Variants in RCOR1 observed in about 807,000 individuals in gnomAD.
RCOR1 encodes REST corepressor 1, also known as REST corepressor.
Under a neutral mutation model 64.0 loss-of-function variants are expected in RCOR1, and 12 were observed. The observed-to-expected ratio is 0.19, with a 90% confidence interval of 0.12 to 0.30. The LOEUF is 0.30. Among genes scored for constraint, RCOR1 ranks in the 10% least tolerant of loss-of-function variants. RCOR1 has a pLI of 1.00. For synonymous variants in RCOR1, 279 were observed against 227.2 expected (o/e 1.23, Z -2.05); for missense variants, 502 against 621.2 (o/e 0.81, Z 2.04).
intron 2 of RCOR1, among the ~76,000 whole-genome samples, chr14:102,677,209 C>T (rs1895193925): frequency 7.4e-6 from 1 of 134,338 alleles, no homozygotes; most frequent in Non-Finnish European, 1.6e-5. Flanking sequence ...GGGCAGGGGG[C>T]TGACCCCCCC....
At chr14:102,721,223 A>C (rs1896162852) in intron 9 of RCOR1, 97 bp from the exon 10 acceptor site, 2 of 1,235,372 alleles carry the variant, frequency 1.6e-6, no homozygotes, top group South Asian at 1.3e-5. Context: ...AGTTGATGTT[A>C]AAATTCCGAT....
chr14:102,665,912 T>A (rs985110846), intron 2 of RCOR1, among the ~76,000 whole-genome samples: 1 of 152,238 alleles, frequency 6.6e-6, no homozygotes, highest in Admixed American at 6.5e-5. Context: ...TAATAGTAGT[T>A]ACTGCTGGTA....
At chr14:102,644,671 C>A (rs1480812387) in intron 2 of RCOR1, among the ~76,000 whole-genome samples, 2 of 152,180 alleles carry the variant, frequency 1.3e-5, no homozygotes, top group African/African-American at 2.4e-5. Flanking sequence ...CATGTGACGT[C>A]AAGAGAAGGA....
chr14:102,692,735 TC>T, intron 3 of RCOR1, among the ~76,000 whole-genome samples: 1 of 144,406 alleles, frequency 6.9e-6, no homozygotes, highest in African/African-American at 2.6e-5. Context: ...CTTCCTTCCT[TC>T]CTTCCTTCCT....
chr14:102,639,264 C>CTT (rs11306200), intron 2 of RCOR1, among the ~76,000 whole-genome samples: 7 of 125,546 alleles, frequency 5.6e-5, no homozygotes, highest in East Asian at 4.4e-4. Flanking sequence ...TTCTTTCTTT[C>CTT]TTTTTTTTTT....
At chr14:102,707,936 C>T (rs1376166315) in intron 5 of RCOR1, among the ~76,000 whole-genome samples, 4 of 150,580 alleles carry the variant, frequency 2.7e-5, no homozygotes, top group African/African-American at 9.8e-5. Context: ...ACTACAGGTG[C>T]GTGCCACCAC....
chr14:102,710,822 T>C (rs1895941969), intron 6 of RCOR1, 113 bp from the exon 7 acceptor site: 4 of 707,310 alleles, frequency 5.7e-6, no homozygotes, highest in South Asian at 5.3e-5. Context: ...TAAATCAGTT[T>C]ATTATTTATA....
intron 2 of RCOR1, among the ~76,000 whole-genome samples, chr14:102,605,126 G>T (rs1203048715): frequency 6.6e-6 from 1 of 151,314 alleles, no homozygotes; most frequent in African/African-American, 2.4e-5. Context: ...GACTTTATTG[G>T]ATCCATTGAT....
intron 8 of RCOR1, among the ~76,000 whole-genome samples, chr14:102,716,729 C>G (rs575215783): frequency 6.6e-6 from 1 of 151,980 alleles, no homozygotes; most frequent in Admixed American, 6.5e-5. Flanking sequence ...CCAATACATA[C>G]TGTCCTAACT....
At chr14:102,721,798 A>G (rs142092860) in intron 10 of RCOR1, among the ~76,000 whole-genome samples, 102 of 152,262 alleles carry the variant, frequency 6.7e-4, no homozygotes, top group African/African-American at 2.4e-3. Context: ...TCATTTTACT[A>G]GTTACTCATC....
chr14:102,727,142 C>T lies in RCOR1; in HGVS notation c.*636C>T, dbSNP rs986140593. ...GTTGGCTTAAATCTCCCTCTTCTCC[C>T]TTCCCAAGTGTTACAAAGATCATTT... On this transcript the variant is annotated 3_prime_UTR_variant, in exon 12 of 12. Transcript: ENST00000262241. 6.6e-6 allele frequency: 1 copy of T among 152,220 alleles called. No homozygotes were observed. Among genetic ancestry groups the T allele is most frequent in the Non-Finnish European group, 1.5e-5 (1 of 68,062 alleles). The allele number at this position is 152,220 out of a possible 1,614,324, so 9.4% of individuals were successfully genotyped here.
At chr14:102,670,031 A>G (rs1006321660) in intron 2 of RCOR1, among the ~76,000 whole-genome samples, 4 of 152,066 alleles carry the variant, frequency 2.6e-5, no homozygotes, top group Admixed American at 1.3e-4. Context: ...GCTCACTGCA[A>G]CCTCTGCCTC....
At chr14:102,719,624 C>A (rs896988530) in intron 8 of RCOR1, among the ~76,000 whole-genome samples, 2 of 152,074 alleles carry the variant, frequency 1.3e-5, no homozygotes, top group Non-Finnish European at 2.9e-5. Flanking sequence ...ATATATGCAG[C>A]CTAGATATTT....
At chr14:102,594,382 C>T (rs555139291) in intron 2 of RCOR1, among the ~76,000 whole-genome samples, 2 of 152,174 alleles carry the variant, frequency 1.3e-5, no homozygotes, top group African/African-American at 2.4e-5. Context: ...CATGTTTTTT[C>T]CTTGGAAACA....
In RCOR1 at chr14:102,628,650, G is replaced by T. The variant is rs942821679; in HGVS notation, c.361+35325G>T. Among the ~76,000 whole-genome samples, 9 of 152,130 alleles carry T rather than the reference G, an allele frequency of 5.9e-5. No individual in the cohort carries two copies. The East Asian group carries it at 1.2e-3, about 20-fold the overall frequency. ...CTGAACTTCTCAATGAAAATCCTGG[G>T]TTCAAACAATTCTTGTGCTTCAGCC... On this transcript the variant is annotated intron_variant, in intron 2 of 11. Transcript: ENST00000262241.
intron 11 of RCOR1, among the ~76,000 whole-genome samples, chr14:102,725,337 C>T (rs1435325650): frequency 6.6e-6 from 1 of 152,178 alleles, no homozygotes; most frequent in East Asian, 1.9e-4. Context: ...TGGCAGAGAG[C>T]AGTAAGACGC....
intron 2 of RCOR1, among the ~76,000 whole-genome samples, chr14:102,673,437 C>T (rs555453274): frequency 6.8e-6 from 1 of 146,520 alleles, no homozygotes; most frequent in East Asian, 2.1e-4. Context: ...CCTGGGTTCA[C>T]GTCATTCTCC....
intron 2 of RCOR1, among the ~76,000 whole-genome samples, chr14:102,664,669 G>C (rs1894883432): frequency 6.6e-6 from 1 of 152,112 alleles, no homozygotes; most frequent in Non-Finnish European, 1.5e-5. Flanking sequence ...AAAGGGAATA[G>C]AACAATATAC....
At chr14:102,689,483 G>A (rs1595231509) in intron 3 of RCOR1, among the ~76,000 whole-genome samples, 2 of 152,320 alleles carry the variant, frequency 1.3e-5, no homozygotes, top group South Asian at 4.1e-4. Context: ...AAATTTCTCA[G>A]ATGGGCTGCT....
Sources: gnomAD v4.1 joint callset for allele counts (sites outside exome capture counted in the v4.1 genomes callset) on GRCh38, gnomAD v4.1.1 for gene constraint, MANE v1.5 for transcripts, NCBI Gene and HGNC (gene_info 2026-07-23, HGNC 2026-07-21) for gene names.